Variants in ELMO1 observed in about 807,000 individuals in gnomAD.
ELMO1 encodes the protein engulfment and cell motility 1.
ELMO1 carries 26 observed loss-of-function variants against 98.9 expected under a neutral mutation model. That is an observed-to-expected ratio of 0.26 (90% CI 0.19 to 0.36). ELMO1 has a LOEUF of 0.36. ELMO1 is among the 10% of genes least tolerant of loss of function. ELMO1 has a pLI of 1.00. For missense variants in ELMO1, 627 were observed against 935.2 expected, an observed-to-expected ratio of 0.67 and a Z score of 4.30; for synonymous variants, 346 against 346.0, an observed-to-expected ratio of 1.00 and a Z score of 0.00.
intron 13 of ELMO1, among the ~76,000 whole-genome samples, chr7:37,169,114 G>A (rs4348379): frequency 0.71 from 107,510 of 151,998 alleles, 40,675 homozygotes; most frequent in Non-Finnish European, 0.83. Context: ...AGCAATCAGC[G>A]AGACTCCGTG....
intron 13 of ELMO1, among the ~76,000 whole-genome samples, chr7:37,196,884 G>A (rs1791993573): frequency 6.6e-6 from 1 of 152,086 alleles, no homozygotes; most frequent in Non-Finnish European, 1.5e-5. Context: ...GAACTTTCTG[G>A]CTCAGGTCCC....
intron 8 of ELMO1, among the ~76,000 whole-genome samples, chr7:37,227,881 A>G (rs1793953773): frequency 6.6e-6 from 1 of 152,226 alleles, no homozygotes; most frequent in Non-Finnish European, 1.5e-5. Context: ...TTCTCCTAAG[A>G]AATGAATCCC....
chr7:36,998,821 A>C (rs1792416365), intron 16 of ELMO1, among the ~76,000 whole-genome samples: 1 of 152,092 alleles, frequency 6.6e-6, no homozygotes, highest in Non-Finnish European at 1.5e-5. Context: ...TGTGGGCAGA[A>C]GGCAGGCTGC....
chr7:37,009,316 G>A (rs1260892296), intron 16 of ELMO1, among the ~76,000 whole-genome samples: 1 of 152,144 alleles, frequency 6.6e-6, no homozygotes, highest in African/African-American at 2.4e-5. Context: ...TGAATCAATG[G>A]ATTATTCTGC....
At chr7:37,160,545 A>G (rs1789127720) in intron 13 of ELMO1, among the ~76,000 whole-genome samples, 1 of 152,192 alleles carries the variant, frequency 6.6e-6, no homozygotes, top group African/African-American at 2.4e-5. Context: ...GCTGTCAGAC[A>G]GAACAGCAGA....
intron 16 of ELMO1, chr7:36,986,096 C>T: frequency 2.0e-6 from 2 of 992,040 alleles, no homozygotes; most frequent in Non-Finnish European, 2.4e-6. Context: ...TGAACAGAGA[C>T]CCGCCGCACA....
At chr7:37,133,789 G>A (rs1196366634) in intron 13 of ELMO1, among the ~76,000 whole-genome samples, 1 of 152,044 alleles carries the variant, frequency 6.6e-6, no homozygotes, top group Non-Finnish European at 1.5e-5. Context: ...ATATCCACAG[G>A]GTCCTGACAT....
chr7:36,970,307 C>T (rs1363523263), intron 16 of ELMO1, among the ~76,000 whole-genome samples: 1 of 152,174 alleles, frequency 6.6e-6, no homozygotes, highest in Non-Finnish European at 1.5e-5. Context: ...CTGTCCAATA[C>T]ACACACATGC....
intron 16 of ELMO1, among the ~76,000 whole-genome samples, chr7:36,925,185 C>T (rs1050001283): frequency 1.1e-4 from 16 of 152,196 alleles, no homozygotes; most frequent in Admixed American, 1.0e-3. Context: ...TGCACCATTC[C>T]ACTTCCCAAG....
At chr7:36,963,798 C>G (rs1562861017) in intron 16 of ELMO1, among the ~76,000 whole-genome samples, 1 of 152,180 alleles carries the variant, frequency 6.6e-6, no homozygotes, top group East Asian at 1.9e-4. Flanking sequence ...TGAAGGACAT[C>G]TTAAATAACC....
chr7:37,331,357 G>GTTTTTTT (rs1371395526), intron 2 of ELMO1, among the ~76,000 whole-genome samples: 1 of 77,200 alleles, frequency 1.3e-5, no homozygotes, highest in Non-Finnish European at 2.4e-5. Context: ...TTTTTTTTTG[G>GTTTTTTT]AATTTTAGTA....
chr7:36,982,842 G>A (rs1217258299), intron 16 of ELMO1, among the ~76,000 whole-genome samples: 1 of 152,228 alleles, frequency 6.6e-6, no homozygotes, highest in Non-Finnish European at 1.5e-5. Context: ...GGGAGATGCA[G>A]TGGCTGAACC....
rs552267721 is a variant in ELMO1, at chr7:37,212,982, A to G, written c.954+353T>C. ...CTCAACCCCACAGAATCAATGCCACATAGAGTCACCAAGAGGCCCTAGTTG... is the reference window on the plus strand; with the variant it reads ...CTCAACCCCACAGAATCAATGCCACGTAGAGTCACCAAGAGGCCCTAGTTG... On this transcript the variant is annotated intron_variant, in intron 12 of 21. Coordinates refer to ENST00000310758, the MANE Select transcript of ELMO1 (RefSeq NM_014800.11). Among the ~76,000 whole-genome samples, 8 of 152,294 alleles carry G rather than the reference A, an allele frequency of 5.3e-5. No individual in the cohort carries two copies. The South Asian group carries it at 1.7e-3, about 32-fold the overall frequency.
intron 1 of ELMO1, among the ~76,000 whole-genome samples, chr7:37,360,954 T>C (rs1801676428): frequency 6.6e-6 from 1 of 151,950 alleles, no homozygotes; most frequent in African/African-American, 2.4e-5. Flanking sequence ...ACATTTTCAA[T>C]GATTCATTTA....
intron 4 of ELMO1, among the ~76,000 whole-genome samples, chr7:37,301,002 T>C (rs564186208): frequency 7.8e-4 from 118 of 151,660 alleles, no homozygotes; most frequent in African/African-American, 1.9e-3. Context: ...CTTGGGAGAG[T>C]GTATGTGTCG....
At chr7:36,865,124 T>C (rs1160826409) in intron 20 of ELMO1, among the ~76,000 whole-genome samples, 3 of 152,298 alleles carry the variant, frequency 2.0e-5, no homozygotes, top group African/African-American at 7.2e-5. Context: ...TGCAACATAT[T>C]TTCAGTGTGC....
chr7:37,187,015 T>C (rs953209531), intron 13 of ELMO1, among the ~76,000 whole-genome samples: 21 of 152,210 alleles, frequency 1.4e-4, no homozygotes, highest in Admixed American at 5.9e-4. Context: ...GAAGTGTTCA[T>C]AGCAGCTTTA....
intron 12 of ELMO1, among the ~76,000 whole-genome samples, chr7:37,212,660 T>C (rs150544719): frequency 2.6e-4 from 39 of 152,260 alleles, no homozygotes; most frequent in Admixed American, 2.0e-4. Context: ...GCAGTTCACA[T>C]CTGCAACAGA....
chr7:37,380,073 T>C (rs1378340391), intron 1 of ELMO1, among the ~76,000 whole-genome samples: 1 of 152,208 alleles, frequency 6.6e-6, no homozygotes, highest in Non-Finnish European at 1.5e-5. Flanking sequence ...ACCTGCTGAA[T>C]ATGCGTGACT....
Sources: gnomAD v4.1 joint callset for allele counts (sites outside exome capture counted in the v4.1 genomes callset) on GRCh38, gnomAD v4.1.1 for gene constraint, MANE v1.5 for transcripts, NCBI Gene and HGNC (gene_info 2026-07-23, HGNC 2026-07-21) for gene names.